COP1: variants seen among roughly 807,000 people sequenced by gnomAD.
The protein encoded by COP1 is E3 ubiquitin-protein ligase COP1.
Under a neutral mutation model 101.3 loss-of-function variants are expected in COP1, and 24 were observed. The observed-to-expected ratio is 0.24, with a 90% CI of 0.17 to 0.33. The LOEUF is 0.33. Ranked by LOEUF, COP1 falls within the 10% of genes least tolerant of loss-of-function variation. The pLI is 1.00. For synonymous variants in COP1, 347 were observed against 341.9 expected (o/e 1.01, Z -0.17); for missense variants, 663 against 906.2 (o/e 0.73, Z 3.45).
chr1:176,100,870 C>A (rs911933096), intron 9 of COP1, among the ~76,000 whole-genome samples: 5 of 152,104 alleles, frequency 3.3e-5, no homozygotes, highest in Non-Finnish European at 5.9e-5. Context: ...CCCCCACCCC[C>A]CAAGACACAT....
At chr1:176,201,414 TAC>T (rs1327901661) in intron 1 of COP1, among the ~76,000 whole-genome samples, 7 of 152,058 alleles carry the variant, frequency 4.6e-5, no homozygotes, top group Admixed American at 4.6e-4. Flanking sequence ...AGAAAAAACA[TAC>T]ACATACAAGA....
Position 176,207,047 on chromosome 1 carries a change from C to T in COP1, c.-69G>A, listed in dbSNP as rs1700938977. On this transcript the variant is annotated 5_prime_UTR_variant, in exon 1 of 20. Coordinates refer to ENST00000367669, the MANE Select transcript of COP1 (RefSeq NM_022457.7). The stretch of plus-strand genomic sequence containing the variant: ...CGCGACCTCGACCCTCCGCCGCCTC[C>T]CCTCCCCTCAGCCTCAGTGCATCCT... 3.2e-5 allele frequency: 41 copies of T among 1,269,652 alleles called. No homozygotes were observed. Among genetic ancestry groups the T allele is most frequent in the Non-Finnish European group, 3.8e-5 (38 of 987,656 alleles). 78.6% of individuals were successfully genotyped at this position (1,269,652 alleles called of 1,614,324 possible).
chr1:176,053,658 T>C (rs748514622), intron 11 of COP1, among the ~76,000 whole-genome samples: 4 of 152,190 alleles, frequency 2.6e-5, no homozygotes, highest in Non-Finnish European at 5.9e-5. Context: ...GACATAACAC[T>C]TTCTGACAAC....
chr1:176,086,889 T>C (rs1248746237), intron 9 of COP1, among the ~76,000 whole-genome samples: 1 of 152,180 alleles, frequency 6.6e-6, no homozygotes, highest in East Asian at 1.9e-4. Context: ...CAAAACAGCA[T>C]GGTACTGGTA....
At chr1:176,069,399 ACT>A (rs1048457622) in intron 11 of COP1, among the ~76,000 whole-genome samples, 1 of 151,906 alleles carries the variant, frequency 6.6e-6, no homozygotes, top group African/African-American at 2.4e-5. Flanking sequence ...CCTCAAGAGA[ACT>A]CTCTCTTTAG....
At chr1:176,089,265 C>G (rs1021042941) in intron 9 of COP1, among the ~76,000 whole-genome samples, 3 of 151,056 alleles carry the variant, frequency 2.0e-5, no homozygotes, top group Non-Finnish European at 4.4e-5. Context: ...TGCACCCCAG[C>G]CTGGGTGACA....
At chr1:176,085,096 T>C (rs1048996575) in intron 10 of COP1, among the ~76,000 whole-genome samples, 6 of 152,206 alleles carry the variant, frequency 3.9e-5, no homozygotes, top group South Asian at 2.1e-4. Flanking sequence ...AAATATCATA[T>C]GCTATCACAT....
chr1:176,188,092 C>T (rs1313338761), intron 1 of COP1, among the ~76,000 whole-genome samples: 1 of 151,996 alleles, frequency 6.6e-6, no homozygotes, highest in African/African-American at 2.4e-5. Flanking sequence ...ATAAAAACCT[C>T]CCCATGTTTG....
At chr1:175,988,658 C>T (rs1657697004) in intron 16 of COP1, 1 of 340,956 alleles carries the variant, frequency 2.9e-6, no homozygotes, top group Admixed American at 4.3e-5. Context: ...CATAGCAAAA[C>T]ACCGTCTCTA....
chr1:176,119,024 A>T (rs1686669556), intron 8 of COP1, among the ~76,000 whole-genome samples: 1 of 152,214 alleles, frequency 6.6e-6, no homozygotes, highest in African/African-American at 2.4e-5. Flanking sequence ...GCAAAACTCA[A>T]TTATAAAAGA....
intron 11 of COP1, among the ~76,000 whole-genome samples, chr1:176,049,085 T>A (rs1558000897): frequency 6.8e-6 from 1 of 147,298 alleles, no homozygotes; most frequent in Non-Finnish European, 1.5e-5. Flanking sequence ...GGCAGGAGAA[T>A]GGCGTGAACC....
chr1:176,075,399 A>C (rs1238786926), intron 11 of COP1, among the ~76,000 whole-genome samples: 1 of 152,226 alleles, frequency 6.6e-6, no homozygotes, highest in African/African-American at 2.4e-5. Flanking sequence ...AAAGCATGTT[A>C]AGTTTTAGCA....
chr1:175,948,960 C>T (rs1206918938), intron 18 of COP1, among the ~76,000 whole-genome samples: 2 of 151,144 alleles, frequency 1.3e-5, no homozygotes, highest in African/African-American at 2.4e-5. Flanking sequence ...GTCAGAAGAT[C>T]GAGACCATCC....
In COP1 at chr1:176,117,300, C is replaced by T. The variant is rs147798779; in HGVS notation, c.969-619G>A. Among the ~76,000 whole-genome samples the T allele has an allele frequency of 2.0e-4, 30 of 152,118 alleles. No homozygotes were observed. The East Asian group carries it at 5.6e-3, about 28-fold the overall frequency. ...TAATCTTGTCTTTGTAACCCAAAAC[C>T]AATATACTAGTTTCCTCTGCTCTGG... On this transcript the variant is annotated intron_variant, in intron 8 of 19. Transcript: ENST00000367669.
intron 18 of COP1, among the ~76,000 whole-genome samples, chr1:175,968,055 A>T (rs1261119817): frequency 6.6e-6 from 1 of 152,020 alleles, no homozygotes; most frequent in Non-Finnish European, 1.5e-5. Context: ...TTCAGTAGAG[A>T]CAGGATTTCA....
At chr1:176,166,212 C>T (rs1047403377) in intron 3 of COP1, among the ~76,000 whole-genome samples, 8 of 152,074 alleles carry the variant, frequency 5.3e-5, no homozygotes, top group Admixed American at 2.6e-4. Flanking sequence ...CTGCAACCTC[C>T]GCCTCCCAGG....
At chr1:176,009,739 T>C (rs975343637) in intron 15 of COP1, among the ~76,000 whole-genome samples, 1 of 152,158 alleles carries the variant, frequency 6.6e-6, no homozygotes, top group Admixed American at 6.5e-5. Flanking sequence ...ATTTTATATA[T>C]TGCATTTATT....
chr1:176,091,936 G>T (rs1005495756), intron 9 of COP1, among the ~76,000 whole-genome samples: 1 of 151,914 alleles, frequency 6.6e-6, no homozygotes, highest in Admixed American at 6.6e-5. Context: ...AGAATAACAT[G>T]AAAGAATACT....
chr1:175,992,015 T>G (rs777024872), intron 15 of COP1, among the ~76,000 whole-genome samples: 4 of 152,226 alleles, frequency 2.6e-5, no homozygotes, highest in Non-Finnish European at 5.9e-5. Context: ...TATATAGTTA[T>G]TTATTATCTT....
Sources: allele counts gnomAD v4.1 joint callset (sites outside exome capture counted in the v4.1 genomes callset), GRCh38; gene constraint gnomAD v4.1.1; transcripts MANE v1.5; gene names NCBI Gene and HGNC (gene_info 2026-07-23, HGNC 2026-07-21).